Variants in DRICH1 observed in about 807,000 individuals in gnomAD.
The protein encoded by DRICH1 is aspartate-rich protein 1.
DRICH1 carries 38 observed loss-of-function variants against 39.5 expected under a neutral mutation model. The observed-to-expected ratio is 0.96, with a 90% CI of 0.74 to 1.26. DRICH1 has a LOEUF of 1.26. Ranked by LOEUF, DRICH1 falls within the 50% of genes most tolerant of loss-of-function variation. The pLI, the probability that DRICH1 is intolerant of heterozygous loss-of-function variation, is 0.00. For missense variants in DRICH1, 279 were observed against 270.4 expected (o/e 1.03, Z -0.22); for synonymous variants, 84 against 99.5 (o/e 0.84, Z 0.93).
the DRICH1 span, among the ~76,000 whole-genome samples, chr22:23,591,509 T>C: frequency 2.6e-5 from 4 of 152,160 alleles, no homozygotes; most frequent in African/African-American, 7.2e-5. Flanking sequence ...AGGTCTCCTG[T>C]TGAGACCTTG....
At chr22:23,604,755 G>A (rs938014822), downstream of DRICH1, among the ~76,000 whole-genome samples, 1 of 152,236 alleles carries the variant, frequency 6.6e-6, no homozygotes, top group Admixed American at 6.5e-5. Flanking sequence ...CTGCAGAGGT[G>A]CACATGTCAG....
chr22:23,611,613 G>C (rs1037281206), intron 11 of DRICH1, among the ~76,000 whole-genome samples: 1 of 151,990 alleles, frequency 6.6e-6, no homozygotes, highest in Non-Finnish European at 1.5e-5. Flanking sequence ...GGATGGTCTC[G>C]ATTTCCTGAC....
intron 6 of DRICH1, among the ~76,000 whole-genome samples, chr22:23,618,504 T>A (rs997577357): frequency 2.0e-5 from 3 of 152,138 alleles, no homozygotes; most frequent in African/African-American, 7.2e-5. Context: ...TCTTTGTAAG[T>A]CTTCTTCTGG....
At chr22:23,611,210 C>T (rs1018025901) in intron 11 of DRICH1, among the ~76,000 whole-genome samples, 21 of 152,144 alleles carry the variant, frequency 1.4e-4, no homozygotes, top group East Asian at 1.2e-3. Flanking sequence ...TAACCTTTGG[C>T]GTTAAAGAGA....
intron 3 of DRICH1, among the ~76,000 whole-genome samples, chr22:23,622,813 C>T (rs1927835786): frequency 6.6e-6 from 1 of 152,142 alleles, no homozygotes; most frequent in Non-Finnish European, 1.5e-5. Context: ...AGCTCTGTGT[C>T]ACTCTCCCTC....
intron 11 of DRICH1, among the ~76,000 whole-genome samples, chr22:23,613,084 C>T (rs773898008): frequency 2.6e-5 from 4 of 152,148 alleles, no homozygotes; most frequent in East Asian, 1.9e-4. Flanking sequence ...CTCTCATGAA[C>T]GCAGCACCCT....
At chr22:23,620,378 C>A (rs2123781145) in intron 5 of DRICH1, among the ~76,000 whole-genome samples, 1 of 152,272 alleles carries the variant, frequency 6.6e-6, no homozygotes, top group South Asian at 2.1e-4. Flanking sequence ...ACTTCTCCAA[C>A]TCCAGGTGAA....
chr22:23,619,185 A>AG (rs1413710353), intron 6 of DRICH1, among the ~76,000 whole-genome samples, 179 bp downstream of exon 6: 2 of 151,836 alleles, frequency 1.3e-5, no homozygotes, highest in Non-Finnish European at 2.9e-5. Context: ...AAAAAAAAAA[A>AG]AAAAGAAAAA....
intron 11 of DRICH1, 97 bp from the exon 12 acceptor site, chr22:23,608,865 G>A: frequency 4.5e-6 from 6 of 1,339,028 alleles, no homozygotes. Flanking sequence ...CAGCATCCCT[G>A]GGCTCCCGCC....
intron 11 of DRICH1, among the ~76,000 whole-genome samples, chr22:23,610,938 T>C (rs1245679873): frequency 6.6e-6 from 1 of 151,770 alleles, no homozygotes; most frequent in East Asian, 1.9e-4. Flanking sequence ...GGTGATTCTC[T>C]TTGATTCTCT....
At chr22:23,587,756 C>T in the DRICH1 span, among the ~76,000 whole-genome samples, 1 of 152,238 alleles carries the variant, frequency 6.6e-6, no homozygotes, top group African/African-American at 2.4e-5. Context: ...CCCCACCGTG[C>T]ATGCAGTGTG....
At chr22:23,615,043 G>GT (rs1317292398) in intron 8 of DRICH1, among the ~76,000 whole-genome samples, 1 of 152,190 alleles carries the variant, frequency 6.6e-6, no homozygotes, top group Non-Finnish European at 1.5e-5. Context: ...AAGTCCATGA[G>GT]TATGGGGGTG....
At chr22:23,618,258 C>A (rs1397181346) in intron 6 of DRICH1, among the ~76,000 whole-genome samples, 1 of 151,672 alleles carries the variant, frequency 6.6e-6, no homozygotes, top group Non-Finnish European at 1.5e-5. Flanking sequence ...GGACTACAGG[C>A]ACCCACCACC....
chr22:23,630,644 G>GA (rs1280195087), intron 1 of DRICH1: 3 of 152,122 alleles, frequency 2.0e-5, no homozygotes, highest in Non-Finnish European at 2.9e-5. Context: ...ATTTTTGGGG[G>GA]AAAACACACA....
the DRICH1 span, among the ~76,000 whole-genome samples, chr22:23,598,816 AGTGTGTTCCATACAG>A: frequency 5.9e-5 from 9 of 152,146 alleles, no homozygotes; most frequent in East Asian, 1.7e-3. Flanking sequence ...CCTCCATACA[AGTGTGTTCCATACAG>A]GTGTGCTCCA....
intron 9 of DRICH1, 124 bp downstream of exon 9, chr22:23,614,009 CCA>C (rs2123767074): frequency 1.4e-6 from 1 of 690,762 alleles, no homozygotes; most frequent in Admixed American, 2.7e-5. Flanking sequence ...AATTCCAGCC[CCA>C]CAAAGAGAAT....
At chr22:23,630,682 C>T (rs1928336687) in intron 1 of DRICH1, 1 of 152,170 alleles carries the variant, frequency 6.6e-6, no homozygotes, top group African/African-American at 2.4e-5. Context: ...TTAATTCACC[C>T]CTGGCTATCT....
At position 23,615,324 on chromosome 22, in the gene DRICH1, C is replaced by T. The variant is rs191547070; in HGVS notation, c.542-1110G>A. Among the ~76,000 whole-genome samples the T allele has an allele frequency of 4.9e-4, 74 of 152,226 alleles. 1 individual carries two copies. The East Asian group carries it at 0.011, about 23-fold the overall frequency. The stretch of plus-strand genomic sequence containing the variant: ...CTTGGAGGCAGAGGTTGCAGTGAGC[C>T]GCGATCACGCCATTGCACTCCAGCC... On this transcript the variant is annotated intron_variant, in intron 8 of 11. Transcript: ENST00000317749.
At chr22:23,606,099 AAATT>A (rs1468517898), downstream of DRICH1, among the ~76,000 whole-genome samples, 2 of 152,098 alleles carry the variant, frequency 1.3e-5, no homozygotes, top group Non-Finnish European at 2.9e-5. Flanking sequence ...CAAAAAAAAA[AAATT>A]AATTCAAACA....
Sources: allele counts gnomAD v4.1 joint callset (sites outside exome capture counted in the v4.1 genomes callset), GRCh38; gene constraint gnomAD v4.1.1; transcripts MANE v1.5; gene names NCBI Gene and HGNC (gene_info 2026-07-23, HGNC 2026-07-21).